The following MPHOSPH9 variants were observed in gnomAD, a reference collection of about 807,000 sequenced individuals.
MPHOSPH9 encodes the protein M-phase phosphoprotein 9.
In MPHOSPH9, 88 loss-of-function variants were observed where a neutral mutation model predicts 145.5. The observed-to-expected ratio is 0.60, with a 90% confidence interval of 0.51 to 0.72. The LOEUF (loss-of-function observed/expected upper bound fraction) is 0.72, where lower values mean the gene tolerates loss of function less well. Among genes scored for constraint, MPHOSPH9 ranks in the 30% least tolerant of loss-of-function variants. The pLI is 0.00. For synonymous variants in MPHOSPH9, 435 were observed against 486.2 expected, an observed-to-expected ratio of 0.89 and a Z score of 1.39; for missense variants, 1,238 against 1,386.6, an observed-to-expected ratio of 0.89 and a Z score of 1.70.
At chr12:123,198,399 A>C in intron 11 of MPHOSPH9, 65 bp from the exon 12 acceptor site, 1 of 1,257,890 alleles carries the variant, frequency 7.9e-7, no homozygotes, top group Non-Finnish European at 1.1e-6. Flanking sequence ...TATTACATAA[A>C]TCTAACCAAT....
intron 11 of MPHOSPH9, among the ~76,000 whole-genome samples, chr12:123,198,861 T>TA (rs577563981): frequency 8.1e-6 from 1 of 124,208 alleles, no homozygotes; most frequent in South Asian, 2.7e-4. Flanking sequence ...TTAAAAGATA[T>TA]AAAAAAAAGA....
intron 8 of MPHOSPH9, among the ~76,000 whole-genome samples, chr12:123,206,420 C>T (rs997910056): frequency 3.3e-5 from 5 of 151,400 alleles, no homozygotes; most frequent in African/African-American, 7.3e-5. Context: ...TATGATGAAG[C>T]TGCTATACTC....
intron 1 of MPHOSPH9, among the ~76,000 whole-genome samples, chr12:123,232,699 C>A (rs1295249509): frequency 1.3e-5 from 2 of 152,048 alleles, no homozygotes; most frequent in African/African-American, 4.8e-5. Flanking sequence ...GCCTAAGCTA[C>A]GGAAAGCAGG....
chr12:123,206,532 G>A (rs1198970952), intron 8 of MPHOSPH9, among the ~76,000 whole-genome samples: 1 of 32,988 alleles, frequency 3.0e-5, no homozygotes, highest in Admixed American at 7.7e-4. Flanking sequence ...GAGAAGAGAT[G>A]AGAAGAGAAG....
intron 5 of MPHOSPH9, 97 bp from the exon 6 acceptor site, chr12:123,218,596 G>C: frequency 8.7e-7 from 1 of 1,151,914 alleles, no homozygotes; most frequent in Non-Finnish European, 1.2e-6. Flanking sequence ...CGCAATCTCA[G>C]TTCACTGCAA....
chr12:123,156,426 T>A lies in MPHOSPH9; in HGVS notation c.*381A>T, dbSNP rs981044221. 1.9e-5 allele frequency: 3 copies of A among 157,966 alleles called. No individual in the cohort carries two copies. The highest frequency in any genetic ancestry group is 4.8e-5 in the African/African-American group (2 of 41,540). 9.8% of individuals were successfully genotyped at this position (157,966 alleles called of 1,614,324 possible). On this transcript the variant is annotated 3_prime_UTR_variant, in exon 24 of 24. Transcript: ENST00000606320. ...ATGGAAGCTATTAAGCTTTATTTTT[T>A]AAAAACTGAATTGTATTTACAATGT...
chr12:123,233,028 C>A (rs897827842), intron 1 of MPHOSPH9, 47 bp downstream of exon 1: 1 of 152,280 alleles, frequency 6.6e-6, no homozygotes. Flanking sequence ...AGTCTCGTCT[C>A]CTGTCCCCAG....
chr12:123,239,881 C>T (rs1033775349), intron 1 of MPHOSPH9, among the ~76,000 whole-genome samples: 5 of 152,098 alleles, frequency 3.3e-5, no homozygotes, highest in Non-Finnish European at 5.9e-5. Context: ...GATTTCCTTG[C>T]CCTCCCATCA....
upstream of MPHOSPH9, among the ~76,000 whole-genome samples, chr12:123,236,118 CAT>C (rs1452787925): frequency 6.6e-6 from 1 of 151,922 alleles, no homozygotes; most frequent in Non-Finnish European, 1.5e-5. Flanking sequence ...AAGGAGCTAA[CAT>C]TGCCTAAGAA....
chr12:123,203,317 T>C lies in MPHOSPH9; in HGVS notation c.1253A>G (p.Gln418Arg). ...CTCAGGTAACTGCTTGTTTTCCCTT[T>C]GTTTTTTATAATAAATATCCTTCAG... is the stretch of plus-strand genomic sequence containing the variant. ...PSLKDIYYKK[Q>R]RENKQLPERN... Residue 418 changes from glutamine to arginine, a missense_variant, in exon 9 of 24, where the codon CAA (glutamine) becomes CGA (arginine). Physicochemically the swap from Gln to Arg is conservative, Grantham distance 43. Transcript: ENST00000606320. 6.2e-7 allele frequency: 1 copy of C among 1,612,736 alleles called. No individual in the cohort carries two copies. The highest frequency in any genetic ancestry group is 8.5e-7 in the Non-Finnish European group (1 of 1,178,750).
intron 13 of MPHOSPH9, among the ~76,000 whole-genome samples, chr12:123,184,454 T>A (rs2045345079): frequency 6.6e-6 from 1 of 152,080 alleles, no homozygotes; most frequent in East Asian, 1.9e-4. Context: ...TCCATACACT[T>A]AAGAGTCTTT....
intron 4 of MPHOSPH9, 131 bp from the exon 5 acceptor site, chr12:123,222,026 T>C: frequency 3.0e-6 from 2 of 668,068 alleles, no homozygotes; most frequent in Non-Finnish European, 4.8e-6. Flanking sequence ...ACTTTATCTT[T>C]AGTTTATAAA....
intron 12 of MPHOSPH9, among the ~76,000 whole-genome samples, chr12:123,197,795 A>G (rs539846028): frequency 4.4e-4 from 66 of 149,690 alleles, no homozygotes; most frequent in South Asian, 2.7e-3. Context: ...AAAAAGAAAA[A>G]AAAAAAAAAA....
chr12:123,158,910 C>A lies in MPHOSPH9; in HGVS notation c.3450+1871G>T, dbSNP rs550753186. Among the ~76,000 whole-genome samples the A allele has an allele frequency of 4.6e-5, 7 of 152,250 alleles. No individual in the cohort carries two copies. In the East Asian group the frequency reaches 1.4e-3, roughly 30 times the overall value. ...CCTCCCAAAGTGCTGAGATTACAGGCATGAGCCACTGTTCTCGGCCTCAAA... is the reference window on the plus strand; with the variant it reads ...CCTCCCAAAGTGCTGAGATTACAGGAATGAGCCACTGTTCTCGGCCTCAAA... On this transcript the variant is annotated intron_variant, in intron 23 of 23. Transcript: ENST00000606320.
chr12:123,187,723 G>A (rs938922535), intron 13 of MPHOSPH9, among the ~76,000 whole-genome samples: 1 of 152,190 alleles, frequency 6.6e-6, no homozygotes, highest in African/African-American at 2.4e-5. Context: ...TACAACAGAA[G>A]TCAGTAAGGG....
chr12:123,227,684 C>A, intron 2 of MPHOSPH9, 68 bp from the exon 3 acceptor site: 1 of 1,325,704 alleles, frequency 7.5e-7, no homozygotes, highest in South Asian at 1.7e-5. Flanking sequence ...TTCAGCAGTT[C>A]AAGATTTAGC....
intron 13 of MPHOSPH9, among the ~76,000 whole-genome samples, chr12:123,187,086 C>T (rs967902820): frequency 6.6e-6 from 1 of 152,046 alleles, no homozygotes; most frequent in South Asian, 2.1e-4. Context: ...ATGGTGAAAC[C>T]CTGTTTCTAC....
chr12:123,163,182 C>G, intron 19 of MPHOSPH9, 48 bp from the exon 20 acceptor site: 2 of 1,481,230 alleles, frequency 1.4e-6, no homozygotes, highest in South Asian at 1.3e-5. Context: ...CTATATGTAT[C>G]AGCATAACAG....
In MPHOSPH9 at chr12:123,230,461, C is replaced by G; in HGVS notation, c.-97G>C. 1 of 604,168 alleles carries G rather than the reference C, an allele frequency of 1.7e-6. No homozygotes were observed. The highest frequency in any genetic ancestry group is 2.7e-6 in the Non-Finnish European group (1 of 366,196). The allele number at this position is 604,168 out of a possible 1,614,324, so 37.4% of individuals were successfully genotyped here. On this transcript the variant is annotated 5_prime_UTR_variant, in exon 2 of 24. Coordinates refer to ENST00000606320, the MANE Select transcript of MPHOSPH9 (RefSeq NM_022782.4). Reference sequence around the variant, plus strand: ...GTGTCATCTTCAGAGGCTTCATCATCTACTGGCATTTTCAGTGGCTAACAT... The same window carrying G: ...GTGTCATCTTCAGAGGCTTCATCATGTACTGGCATTTTCAGTGGCTAACAT...
Sources: allele counts gnomAD v4.1 joint callset (sites outside exome capture counted in the v4.1 genomes callset), GRCh38; gene constraint gnomAD v4.1.1; transcripts MANE v1.5; gene names NCBI Gene and HGNC (gene_info 2026-07-23, HGNC 2026-07-21).